Variants in NTRK2 observed in about 807,000 individuals in gnomAD.
The protein encoded by NTRK2 is BDNF/NT-3 growth factors receptor.
NTRK2 carries 13 observed loss-of-function variants against 94.5 expected under a neutral mutation model. The ratio of observed to expected loss-of-function variants is 0.14; its 90% CI spans 0.09 to 0.22. The LOEUF (loss-of-function observed/expected upper bound fraction) is 0.22, where lower values mean the gene tolerates loss of function less well. Among genes scored for constraint, NTRK2 ranks in the 10% least tolerant of loss-of-function variants. NTRK2 has a pLI of 1.00. For synonymous variants in NTRK2, 372 were observed against 407.4 expected, an observed-to-expected ratio of 0.91 and a Z score of 1.05; for missense variants, 639 against 1,071.2, an observed-to-expected ratio of 0.60 and a Z score of 5.63.
chr9:84,824,945 A>G (rs1207902910), intron 12 of NTRK2, among the ~76,000 whole-genome samples: 1 of 152,090 alleles, frequency 6.6e-6, no homozygotes, highest in Non-Finnish European at 1.5e-5. Context: ...ACCATCTGCT[A>G]ACCAAACACC....
intron 16 of NTRK2, among the ~76,000 whole-genome samples, chr9:84,948,993 G>C (rs1405593202): frequency 6.6e-6 from 1 of 152,140 alleles, no homozygotes; most frequent in Non-Finnish European, 1.5e-5. Context: ...GAAGAGCTAA[G>C]GTACCCAGGT....
At chr9:84,680,574 C>T (rs932640499) in intron 2 of NTRK2, among the ~76,000 whole-genome samples, 2 of 152,152 alleles carry the variant, frequency 1.3e-5, no homozygotes, top group African/African-American at 4.8e-5. Flanking sequence ...CCTGTATTTT[C>T]TGTTTCTTTC....
rs574753696 is a variant in NTRK2 at position 84,756,973 on chromosome 9, A to T, written c.1396+4888A>T. On this transcript the variant is annotated intron_variant, in intron 12 of 18. Transcript: ENST00000277120. ...TCATAAACATAGCGGGGCCAAAGCT[A>T]AAGAGGTTGAAGGTTAAAGCCTTTT... 2.6e-5 allele frequency among the ~76,000 whole-genome samples: 4 copies of T among 152,340 alleles called. No homozygotes were observed. In the South Asian group the frequency reaches 8.3e-4, roughly 32 times the overall value.
intron 14 of NTRK2, among the ~76,000 whole-genome samples, chr9:84,898,676 C>T (rs2076834011): frequency 6.6e-6 from 1 of 151,280 alleles, no homozygotes; most frequent in Non-Finnish European, 1.5e-5. Context: ...CCCTTCTGAG[C>T]CCCCATTTTT....
chr9:84,800,539 C>T (rs1024923159), intron 12 of NTRK2, among the ~76,000 whole-genome samples: 2 of 152,204 alleles, frequency 1.3e-5, no homozygotes, highest in African/African-American at 4.8e-5. Flanking sequence ...GTGTATATTC[C>T]TCAGTCGAGG....
At chr9:84,943,350 T>C (rs1055489754) in intron 15 of NTRK2, among the ~76,000 whole-genome samples, 3 of 152,254 alleles carry the variant, frequency 2.0e-5, no homozygotes, top group Non-Finnish European at 4.4e-5. Context: ...TTTTGATTTT[T>C]CTTTTGTTTT....
Position 84,966,294 on chromosome 9 carries a change from C to T in NTRK2, c.2172+10777C>T, listed in dbSNP as rs552875947. On this transcript the variant is annotated intron_variant, in intron 17 of 18. Transcript: ENST00000277120. ...TCTGAATACCCCAGAGTGTCTTTTG[C>T]GTAATGTTGATTTTTGGGCTTCACT... is the stretch of plus-strand genomic sequence containing the variant. Among the ~76,000 whole-genome samples, 63 of 152,224 alleles carry T rather than the reference C, an allele frequency of 4.1e-4. 1 individual carries two copies. In the South Asian group the frequency reaches 0.011, roughly 28 times the overall value.
intron 2 of NTRK2, among the ~76,000 whole-genome samples, chr9:84,680,924 G>C (rs1361621824): frequency 6.6e-6 from 1 of 151,986 alleles, no homozygotes; most frequent in African/African-American, 2.4e-5. Context: ...CTTTGGCCTT[G>C]GTGTCACCAC....
At chr9:85,017,416 G>A (rs1832352483) in intron 17 of NTRK2, among the ~76,000 whole-genome samples, 1 of 152,154 alleles carries the variant, frequency 6.6e-6, no homozygotes, top group Admixed American at 6.6e-5. Context: ...TTGGAAACCA[G>A]CTATTGTCAT....
intron 12 of NTRK2, among the ~76,000 whole-genome samples, chr9:84,791,860 C>T (rs2068770688): frequency 6.6e-6 from 1 of 152,026 alleles, no homozygotes; most frequent in African/African-American, 2.4e-5. Flanking sequence ...TTTTTTTTAA[C>T]AGACGAGGCC....
intron 12 of NTRK2, among the ~76,000 whole-genome samples, chr9:84,770,187 C>CACACACACACACAG (rs1416569275): frequency 6.6e-6 from 1 of 150,908 alleles, no homozygotes; most frequent in African/African-American, 2.5e-5. Context: ...CACACACACA[C>CACACACACACACAG]ACACACAAAC....
intron 15 of NTRK2, among the ~76,000 whole-genome samples, chr9:84,944,294 G>A (rs921204728): frequency 2.3e-5 from 3 of 128,756 alleles, no homozygotes; most frequent in African/African-American, 6.1e-5. Context: ...ACGGAGTCTC[G>A]CTCTGTTGCC....
chr9:84,822,484 C>A (rs186242786), intron 12 of NTRK2, among the ~76,000 whole-genome samples: 2 of 152,140 alleles, frequency 1.3e-5, no homozygotes, highest in East Asian at 3.9e-4. Context: ...AAGCAGACAC[C>A]AAGATGGAAT....
chr9:84,720,425 A>G (rs1012475267), intron 6 of NTRK2, among the ~76,000 whole-genome samples: 1 of 152,254 alleles, frequency 6.6e-6, no homozygotes. Flanking sequence ...TTCTCCTCCA[A>G]GCAGGAAATT....
intron 15 of NTRK2, among the ~76,000 whole-genome samples, chr9:84,944,223 A>ACAC (rs2078517920): frequency 7.0e-6 from 1 of 142,296 alleles, no homozygotes; most frequent in Non-Finnish European, 1.5e-5. Flanking sequence ...TCTCACACAC[A>ACAC]CACACACACA....
intron 17 of NTRK2, among the ~76,000 whole-genome samples, chr9:84,966,706 C>T (rs748426083): frequency 6.6e-6 from 1 of 152,196 alleles, no homozygotes; most frequent in East Asian, 1.9e-4. Context: ...GCTGGGATTA[C>T]AGGTGTAAGC....
intron 12 of NTRK2, among the ~76,000 whole-genome samples, chr9:84,793,667 T>C (rs970479700): frequency 3.3e-5 from 5 of 152,238 alleles, no homozygotes; most frequent in African/African-American, 1.2e-4. Flanking sequence ...ACTTACACTA[T>C]GCAGACTGAG....
chr9:84,862,719 G>C (rs1450174365), intron 13 of NTRK2, among the ~76,000 whole-genome samples: 1 of 152,208 alleles, frequency 6.6e-6, no homozygotes, highest in Non-Finnish European at 1.5e-5. Flanking sequence ...GCAGAGCCAC[G>C]TGGGGAAGTG....
intron 12 of NTRK2, among the ~76,000 whole-genome samples, chr9:84,786,557 G>A (rs571910108): frequency 4.8e-4 from 73 of 151,978 alleles, no homozygotes; most frequent in Non-Finnish European, 9.7e-4. Context: ...AGGATATGTT[G>A]TTTTCTTTAT....
Sources: allele counts gnomAD v4.1 joint callset (sites outside exome capture counted in the v4.1 genomes callset), GRCh38; gene constraint gnomAD v4.1.1; transcripts MANE v1.5; gene names NCBI Gene and HGNC (gene_info 2026-07-23, HGNC 2026-07-21).